Variants in KLRC2 observed in about 807,000 individuals in gnomAD.
KLRC2 encodes killer cell lectin like receptor C2, also known as NKG2-C type II integral membrane protein.
Under a neutral mutation model 25.5 loss-of-function variants are expected in KLRC2, and 10 were observed. The ratio of observed to expected loss-of-function variants is 0.39; its 90% CI spans 0.24 to 0.67. The LOEUF is 0.67. Ranked by LOEUF, KLRC2 falls within the 30% of genes least tolerant of loss-of-function variation. KLRC2 has a pLI of 0.45. For missense variants in KLRC2, 170 were observed against 272.8 expected (o/e 0.62, Z 2.65); for synonymous variants, 48 against 93.3 (o/e 0.51, Z 2.80).
Position 10,435,322 on chromosome 12 carries a change from A to C in KLRC2, c.276T>G (p.Val92=). 1 of 1,612,216 alleles carries C rather than the reference A, an allele frequency of 6.2e-7. No homozygotes were observed. The highest frequency in any genetic ancestry group is 8.5e-7 in the Non-Finnish European group (1 of 1,179,260). The change falls in exon 2 of 6, where the codon GTT becomes GTG. Residue 92 remains valine (V), a synonymous_variant. Coordinates refer to ENST00000381902, the MANE Select transcript of KLRC2 (RefSeq NM_002260.4). ...CAAGAATATGCTTACAAGGAATAAG[A>C]ACTATTGTTTTTAACACAGTGGCCA... The part of the protein sequence containing the change: ...VLMATVLKTI[V]LIPFLEQNNF...
chr12:10,433,648 A>G (rs1324604813), intron 4 of KLRC2, 143 bp downstream of exon 4: 1 of 986,700 alleles, frequency 1.0e-6, no homozygotes, highest in Non-Finnish European at 1.4e-6. Flanking sequence ...CTTTAAAAAC[A>G]TTATTAAGTC....
chr12:10,435,823 A>G lies in KLRC2; in HGVS notation c.164T>C (p.Ile55Thr), dbSNP rs538141639. The change falls in exon 1 of 6, where the codon ATT becomes ACT. Residue 55 changes from isoleucine to threonine, a missense_variant. Transcript: ENST00000381902. ...ACCTTGGCAGTCATATATTTTATCAATCCCTTGATGATTCAGGGAAGGATT... is the reference window on the plus strand; with the variant it reads ...ACCTTGGCAGTCATATATTTTATCAGTCCCTTGATGATTCAGGGAAGGATT... ...LQNPSLNHQG[I>T]DKIYDCQGLL... 3.1e-4 allele frequency: 484 copies of G among 1,547,864 alleles called. 67 individuals carry two copies. In the South Asian group the frequency reaches 4.8e-3, roughly 15 times the overall value.
Position 10,433,212 on chromosome 12 carries a change from A to G in KLRC2, c.483+579T>C, listed in dbSNP as rs1269953010. Among the ~76,000 whole-genome samples, 2 of 142,082 alleles carry G rather than the reference A, an allele frequency of 1.4e-5. 1 individual carries two copies. The highest frequency in any genetic ancestry group is 3.1e-5 in the Non-Finnish European group (2 of 64,836). The allele number at this position is 142,082 out of a possible 152,430, so 93.2% of individuals were successfully genotyped here. A position where few individuals can be genotyped will look rare whatever the true frequency, so the allele number is the denominator to read the frequency against. ...AATGGATTCTTACTGTTCTTTGTAC[A>G]TAGTACAGCAGTGAACAGTAACATA... On this transcript the variant is annotated intron_variant, in intron 4 of 5. Transcript: ENST00000381902.
Position 10,431,046 on chromosome 12 carries a change from G to T in KLRC2, c.*71C>A. Reference sequence around the variant, plus strand: ...TAACATAATTCATTTTCAGATTTATGCAATCATAATATTTCTATTTTAAGA... The same window carrying T: ...TAACATAATTCATTTTCAGATTTATTCAATCATAATATTTCTATTTTAAGA... On this transcript the variant is annotated 3_prime_UTR_variant, in exon 6 of 6. Coordinates refer to ENST00000381902, the MANE Select transcript of KLRC2 (RefSeq NM_002260.4). 1.7e-6 allele frequency: 2 copies of T among 1,207,060 alleles called. No homozygotes were observed. The highest frequency in any genetic ancestry group is 2.3e-6 in the Non-Finnish European group (2 of 874,352). The allele number at this position is 1,207,060 out of a possible 1,614,324, so 74.8% of individuals were successfully genotyped here.
intron 1 of KLRC2, 138 bp downstream of exon 1, chr12:10,435,662 T>C: frequency 2.7e-6 from 3 of 1,096,564 alleles, no homozygotes; most frequent in Non-Finnish European, 3.8e-6. Flanking sequence ...AGTCTTCTGA[T>C]TTCATATTAG....
chr12:10,433,693 T>C (rs1176172300), intron 4 of KLRC2, 98 bp downstream of exon 4: 1 of 1,231,738 alleles, frequency 8.1e-7, no homozygotes, highest in Non-Finnish European at 1.1e-6. Context: ...TGAAAATATA[T>C]GAGATAAATA....
At position 10,434,199 on chromosome 12, in the gene KLRC2, G is replaced by A. The variant is rs1180113995; in HGVS notation, c.332-257C>T. ...ACACTCTACACATGTGTTGAACATC[G>A]CTGATACACAACTGCTTTTTTAGAA... On this transcript the variant is annotated intron_variant, in intron 3 of 5. Transcript: ENST00000381902. The A allele has an allele frequency of 2.0e-5, 13 of 649,610 alleles. 2 individuals carry two copies. Among genetic ancestry groups the A allele is most frequent in the Admixed American group, 8.9e-5 (4 of 44,960 alleles). The allele number at this position is 649,610 out of a possible 1,614,324, so 40.2% of individuals were successfully genotyped here.
Position 10,435,854 on chromosome 12 carries a change from G to C in KLRC2, c.133C>G (p.Leu45Val). Reference protein sequence around the residue: ...EQEIFQVELNLQNPSLNHQGI... With the variant: ...EQEIFQVELNVQNPSLNHQGI... ...TGATGATTCAGGGAAGGATTTTGAA[G>C]ATTTAATTCTACTTGGAATATTTCC... is the stretch of plus-strand genomic sequence containing the variant. The change falls in exon 1 of 6, where the codon CTT becomes GTT. Residue 45 changes from leucine (L) to valine (V), a missense_variant. This residue lies in a region of KLRC2 where 37 missense variants were observed against 68.0 expected (regional missense o/e 0.54). Coordinates refer to ENST00000381902, the MANE Select transcript of KLRC2 (RefSeq NM_002260.4). 6.4e-7 allele frequency: 1 copy of C among 1,552,420 alleles called. No individual in the cohort carries two copies. Among genetic ancestry groups the C allele is most frequent in the African/African-American group, 1.5e-5 (1 of 68,892 alleles).
rs61917663 is a variant in KLRC2 at position 10,430,753 on chromosome 12, A to T, written c.*364T>A. ...AGAAAGTTTTCATCACGACACAAAG[A>T]AACGTTCTATCAATTAGTGGTCATC... On this transcript the variant is annotated 3_prime_UTR_variant, in exon 6 of 6. Coordinates refer to ENST00000381902, the MANE Select transcript of KLRC2 (RefSeq NM_002260.4). The T allele has an allele frequency of 3.9e-3, 694 of 178,160 alleles. 70 individuals carry two copies. The highest frequency in any genetic ancestry group is 6.1e-3 in the Non-Finnish European group (547 of 89,176). 11.0% of individuals were successfully genotyped at this position (178,160 alleles called of 1,614,324 possible). A position where few individuals can be genotyped will look rare whatever the true frequency, so the allele number is the denominator to read the frequency against.
At position 10,435,713 on chromosome 12, in the gene KLRC2, C is replaced by G. The variant is rs113784967; in HGVS notation, c.187+87G>C. On this transcript the variant is annotated intron_variant, in intron 1 of 5. Transcript: ENST00000381902. ...TTATGAACTCCGATTCTCACAAGTG[C>G]AAAATATTCCCTAATCTTTCCTCAC... The G allele has an allele frequency of 1.2e-5, 16 of 1,381,632 alleles. 4 individuals carry two copies. The highest frequency in any genetic ancestry group is 1.6e-5 in the African/African-American group (1 of 63,260). The allele number at this position is 1,381,632 out of a possible 1,614,324, so 85.6% of individuals were successfully genotyped here. A position where few individuals can be genotyped will look rare whatever the true frequency, so the allele number is the denominator to read the frequency against.
intron 2 of KLRC2, 46 bp from the exon 3 acceptor site, chr12:10,434,576 G>C (rs1420849872): frequency 7.2e-7 from 1 of 1,394,690 alleles, no homozygotes; most frequent in Non-Finnish European, 1.0e-6. Context: ...CTGATATCTA[G>C]ATAAACCATA....
chr12:10,435,488 C>T (rs1863860246), intron 1 of KLRC2, 78 bp from the exon 2 acceptor site: 6 of 1,525,012 alleles, frequency 3.9e-6, no homozygotes, highest in Non-Finnish European at 5.4e-6. Context: ...GAATTACATA[C>T]TAGAGAACCC....
Position 10,433,117 on chromosome 12 carries a change from G to A in KLRC2, c.483+674C>T, listed in dbSNP as rs543949012. Among the ~76,000 whole-genome samples, 16 of 141,500 alleles carry A rather than the reference G, an allele frequency of 1.1e-4. No homozygotes were observed. The South Asian group carries it at 2.2e-3, about 20-fold the overall frequency. 92.8% of individuals were successfully genotyped at this position (141,500 alleles called of 152,430 possible). On this transcript the variant is annotated intron_variant, in intron 4 of 5. Coordinates refer to ENST00000381902, the MANE Select transcript of KLRC2 (RefSeq NM_002260.4). ...GGGACCCCATGACTAACAGTGCACC[G>A]TAAACCACCTAGGGTCCTCTTTGTC...
At position 10,433,790 on chromosome 12, in the gene KLRC2, C is replaced by T. The variant is rs1425167032; in HGVS notation, c.483+1G>A. 6.5e-7 allele frequency: 1 copy of T among 1,547,644 alleles called. No homozygotes were observed. Among genetic ancestry groups the T allele is most frequent in the Non-Finnish European group, 8.8e-7 (1 of 1,134,636 alleles). ...AAATGTTTGAAACATTTACATCTTA[C>T]CATTTCTTCTTCATTATCTATAGAA... On this transcript the variant is annotated splice_donor_variant, in intron 4 of 5. Coordinates refer to ENST00000381902, the MANE Select transcript of KLRC2 (RefSeq NM_002260.4). LOFTEE classifies it high-confidence loss of function.
chr12:10,433,752 G>A (rs1253780996), intron 4 of KLRC2, 39 bp downstream of exon 4: 1 of 1,522,952 alleles, frequency 6.6e-7, no homozygotes, highest in African/African-American at 1.5e-5. Flanking sequence ...TTCACTGAAG[G>A]AAGCTTTTCA....
Position 10,432,865 on chromosome 12 carries a change from C to T in KLRC2, c.484-659G>A, listed in dbSNP as rs1478677187. On this transcript the variant is annotated intron_variant, in intron 4 of 5. Transcript: ENST00000381902. ...AGTGTCCGAGTGAGCATGTTAAGTC[C>T]TCCACACGACAGAAGAAGGTGACCT... 2.2e-5 allele frequency among the ~76,000 whole-genome samples: 3 copies of T among 136,856 alleles called. 1 individual carries two copies. Among genetic ancestry groups the T allele is most frequent in the Non-Finnish European group, 4.8e-5 (3 of 62,926 alleles). The allele number at this position is 136,856 out of a possible 152,430, so 89.8% of individuals were successfully genotyped here.
In KLRC2 at chr12:10,431,025, A is replaced by G. The variant is rs1248949855; in HGVS notation, c.*92T>C. 2.6e-6 allele frequency: 3 copies of G among 1,166,260 alleles called. No homozygotes were observed. The African/African-American group carries it at 5.2e-5, about 20-fold the overall frequency. The allele number at this position is 1,166,260 out of a possible 1,614,324, so 72.2% of individuals were successfully genotyped here. On this transcript the variant is annotated 3_prime_UTR_variant, in exon 6 of 6. Coordinates refer to ENST00000381902, the MANE Select transcript of KLRC2 (RefSeq NM_002260.4). ...GAATTTTTGTATCAGAGCAAATAAC[A>G]TAATTCATTTTCAGATTTATGCAAT...
chr12:10,434,351 A>T (rs1863847087), intron 3 of KLRC2, 135 bp downstream of exon 3: 1 of 684,698 alleles, frequency 1.5e-6, no homozygotes, highest in South Asian at 1.5e-5. Flanking sequence ...CTGCCTCATA[A>T]TCTTTCTTTA....
rs1393168537 is a variant in KLRC2, at chr12:10,431,153, T to C, written c.660A>G (p.Gly220=). 6.5e-7 allele frequency: 1 copy of C among 1,546,432 alleles called. No homozygotes were observed. The highest frequency in any genetic ancestry group is 1.7e-5 in the Admixed American group (1 of 58,570). The part of the protein sequence containing the change: ...QVNRLKSAQC[G]SSMIYHCKHK... ...GCTTACAATGATATATCATTGAAGATCCACACTGGGCTGATTTAAGTCGAT... is the reference window on the plus strand; with the variant it reads ...GCTTACAATGATATATCATTGAAGACCCACACTGGGCTGATTTAAGTCGAT... The change falls in exon 6 of 6, where the codon GGA becomes GGG. Residue 220 remains glycine (G), a synonymous_variant. Transcript: ENST00000381902.
Sources: gnomAD v4.1 joint callset for allele counts (sites outside exome capture counted in the v4.1 genomes callset) on GRCh38, gnomAD v4.1.1 for gene constraint, gnomAD v4.1.1 regional missense constraint, MANE v1.5 for transcripts, NCBI Gene and HGNC (gene_info 2026-07-23, HGNC 2026-07-21) for gene names.